The following ZNF326 variants were observed in gnomAD, a reference collection of about 807,000 sequenced individuals.
ZNF326 encodes DBIRD complex subunit ZNF326.
A neutral mutation model predicts 63.1 loss-of-function variants in ZNF326; 30 were observed. That is an observed-to-expected ratio of 0.48 (90% CI 0.36 to 0.64). ZNF326 has a LOEUF of 0.64. Among genes scored for constraint, ZNF326 ranks in the 30% least tolerant of loss-of-function variants. The pLI, the probability that ZNF326 is intolerant of heterozygous loss-of-function variation, is 0.00. For synonymous variants in ZNF326, 194 were observed against 228.2 expected (o/e 0.85, Z 1.35); for missense variants, 609 against 720.3 (o/e 0.85, Z 1.77).
chr1:90,016,326 T>C (rs1311697880), intron 7 of ZNF326, among the ~76,000 whole-genome samples: 3 of 152,032 alleles, frequency 2.0e-5, no homozygotes, highest in Admixed American at 6.6e-5. Context: ...ATAAATCTAA[T>C]AGCATTGCAA....
At position 90,013,021 on chromosome 1, in the gene ZNF326, C is replaced by T. The variant is rs77087157; in HGVS notation, c.815-105C>T. On this transcript the variant is annotated intron_variant, in intron 6 of 11. Coordinates refer to ENST00000340281, the MANE Select transcript of ZNF326 (RefSeq NM_182976.4). ...TTTTGGTGAGTTCAATTTTAGATTA[C>T]AATCACTAAGTATACCTCATAAGTA... The T allele has an allele frequency of 8.1e-4, 705 of 871,290 alleles. 12 individuals carry two copies. In the East Asian group the frequency reaches 0.02, roughly 24 times the overall value. The allele number at this position is 871,290 out of a possible 1,614,324, so 54.0% of individuals were successfully genotyped here.
rs533264983 is a variant in ZNF326, at chr1:89,998,029, T to A, written c.17-81T>A. The A allele has an allele frequency of 1.6e-5, 21 of 1,310,424 alleles. No individual in the cohort carries two copies. The African/African-American group carries it at 3.1e-4, about 19-fold the overall frequency. 81.2% of individuals were successfully genotyped at this position (1,310,424 alleles called of 1,614,324 possible). On this transcript the variant is annotated intron_variant, in intron 1 of 11. Coordinates refer to ENST00000340281, the MANE Select transcript of ZNF326 (RefSeq NM_182976.4). ...TTAATGTCATTTTAAAAATTGTGCT[T>A]GTTTTTTACTGGATCGGCATATAAT...
intron 11 of ZNF326, 61 bp downstream of exon 11, chr1:90,022,406 G>A (rs1312835344): frequency 8.2e-7 from 1 of 1,220,282 alleles, no homozygotes; most frequent in South Asian, 1.3e-5. Context: ...ATTAACTGGT[G>A]ACATAGTAAC....
chr1:90,010,382 C>A, intron 6 of ZNF326, 96 bp downstream of exon 6: 1 of 1,257,568 alleles, frequency 8.0e-7, no homozygotes, highest in Non-Finnish European at 1.1e-6. Flanking sequence ...TATACAGAAA[C>A]TACATAACAA....
rs1019340633 is a variant in ZNF326, at chr1:90,028,351, G to C, written c.*650G>C. On this transcript the variant is annotated 3_prime_UTR_variant, in exon 12 of 12. Transcript: ENST00000340281. ...TATTTTAAGATGATTGAGAAGACTTGAATTAAAGAAAAAAAAATTCTCAAT... is the reference window on the plus strand; with the variant it reads ...TATTTTAAGATGATTGAGAAGACTTCAATTAAAGAAAAAAAAATTCTCAAT... 1.0e-4 allele frequency: 10 copies of C among 97,866 alleles called. No homozygotes were observed. Among genetic ancestry groups the C allele is most frequent in the Admixed American group, 4.8e-4 (4 of 8,380 alleles). 6.1% of individuals were successfully genotyped at this position (97,866 alleles called of 1,614,324 possible).
chr1:90,002,883 T>C (rs1648755670), intron 2 of ZNF326, among the ~76,000 whole-genome samples: 1 of 152,208 alleles, frequency 6.6e-6, no homozygotes, highest in Admixed American at 6.5e-5. Context: ...TGGAAAATAC[T>C]AGTTTTTATA....
chr1:90,033,006 T>C lies in ZNF326; in HGVS notation c.*5305T>C, dbSNP rs994497157. 1.3e-5 allele frequency: 2 copies of C among 152,234 alleles called. No individual in the cohort carries two copies. The highest frequency in any genetic ancestry group is 2.9e-5 in the Non-Finnish European group (2 of 68,038). 9.4% of individuals were successfully genotyped at this position (152,234 alleles called of 1,614,324 possible). A position where few individuals can be genotyped will look rare whatever the true frequency, so the allele number is the denominator to read the frequency against. Reference sequence around the variant, plus strand: ...GCTGTCTATTTCCCAATTTTCCTTCTGACTGTTCCTTTCTCCTTCCTCACA... The same window carrying C: ...GCTGTCTATTTCCCAATTTTCCTTCCGACTGTTCCTTTCTCCTTCCTCACA... On this transcript the variant is annotated 3_prime_UTR_variant, in exon 12 of 12. Transcript: ENST00000340281.
chr1:89,998,306 G>A lies in ZNF326; in HGVS notation c.61+152G>A, dbSNP rs960367507. 1.1e-4 allele frequency: 69 copies of A among 653,768 alleles called. No homozygotes were observed. In the Admixed American group the frequency reaches 1.4e-3, roughly 13 times the overall value. The allele number at this position is 653,768 out of a possible 1,614,324, so 40.5% of individuals were successfully genotyped here. On this transcript the variant is annotated intron_variant, in intron 2 of 11. Coordinates refer to ENST00000340281, the MANE Select transcript of ZNF326 (RefSeq NM_182976.4). ...TTACTATATATAGTATTTGAATTGGGGAATGTGCTATCAGAAAATGTTAGG... is the reference window on the plus strand; with the variant it reads ...TTACTATATATAGTATTTGAATTGGAGAATGTGCTATCAGAAAATGTTAGG...
chr1:89,998,996 T>C (rs1648538871), intron 2 of ZNF326, among the ~76,000 whole-genome samples: 1 of 152,192 alleles, frequency 6.6e-6, no homozygotes, highest in Non-Finnish European at 1.5e-5. Flanking sequence ...AGATAAACTT[T>C]GGATTTCATG....
At chr1:90,001,577 G>A (rs1648683601) in intron 2 of ZNF326, among the ~76,000 whole-genome samples, 1 of 149,744 alleles carries the variant, frequency 6.7e-6, no homozygotes, top group African/African-American at 2.5e-5. Context: ...TTTTGAGGTG[G>A]AGTTTCTCTC....
chr1:90,015,506 C>G (rs1359070993), intron 7 of ZNF326, among the ~76,000 whole-genome samples: 1 of 152,072 alleles, frequency 6.6e-6, no homozygotes, highest in East Asian at 1.9e-4. Flanking sequence ...ATGGTGAAAC[C>G]TCATTTCTAC....
At position 90,028,854 on chromosome 1, in the gene ZNF326, A is replaced by C; in HGVS notation, c.*1153A>C. 6.8e-6 allele frequency: 1 copy of C among 147,102 alleles called. No homozygotes were observed. The highest frequency in any genetic ancestry group is 2.5e-5 in the African/African-American group (1 of 39,574). 9.1% of individuals were successfully genotyped at this position (147,102 alleles called of 1,614,324 possible). ...TTTTTCTTTTTTGGGACAGGGTTTC[A>C]CTCTGTCACCCAGGCTGGAGTGCAG... On this transcript the variant is annotated 3_prime_UTR_variant, in exon 12 of 12. Coordinates refer to ENST00000340281, the MANE Select transcript of ZNF326 (RefSeq NM_182976.4).
intron 5 of ZNF326, among the ~76,000 whole-genome samples, chr1:90,009,847 G>C (rs1169182480): frequency 6.6e-6 from 1 of 152,026 alleles, no homozygotes; most frequent in East Asian, 1.9e-4. Context: ...TAAAAACATA[G>C]TTAGCAAATA....
intron 2 of ZNF326, among the ~76,000 whole-genome samples, chr1:90,000,921 C>T (rs1648643927): frequency 6.6e-6 from 1 of 152,140 alleles, no homozygotes; most frequent in African/African-American, 2.4e-5. Flanking sequence ...AATGGGTATA[C>T]ACCTTGTGTT....
chr1:89,997,350 A>T (rs1250207568), intron 1 of ZNF326, among the ~76,000 whole-genome samples: 1 of 152,166 alleles, frequency 6.6e-6, no homozygotes, highest in Non-Finnish European at 1.5e-5. Flanking sequence ...ATGTATATGC[A>T]TATGCATGTC....
Position 90,035,259 on chromosome 1 carries a change from GATTGT to G in ZNF326, c.*7560_*7564del, listed in dbSNP as rs1433292694. The G allele has an allele frequency of 9.8e-5, 15 of 152,304 alleles. No individual in the cohort carries two copies. The highest frequency in any genetic ancestry group is 3.6e-4 in the African/African-American group (15 of 41,578). 9.4% of individuals were successfully genotyped at this position (152,304 alleles called of 1,614,324 possible). Reference sequence around the variant, plus strand: ...ACATAGTCCTTATTTTGAGCAGTGTGATTGTAGAGACAAACATCCAAGAGAAACAG... The same window carrying G: ...ACATAGTCCTTATTTTGAGCAGTGTGAGAGACAAACATCCAAGAGAAACAG... On this transcript the variant is annotated 3_prime_UTR_variant, in exon 12 of 12. Coordinates refer to ENST00000340281, the MANE Select transcript of ZNF326 (RefSeq NM_182976.4).
chr1:90,026,300 A>G (rs1203015590), intron 11 of ZNF326, among the ~76,000 whole-genome samples: 2 of 152,076 alleles, frequency 1.3e-5, no homozygotes, highest in African/African-American at 4.8e-5. Flanking sequence ...AGGCATCTTC[A>G]TAGGGTTTTT....
chr1:89,998,357 T>TA (rs1648506085), intron 2 of ZNF326, among the ~76,000 whole-genome samples: 1 of 152,206 alleles, frequency 6.6e-6, no homozygotes, highest in South Asian at 2.1e-4. Flanking sequence ...TTTGATTTTT[T>TA]TTTTGGTCCA....
Position 90,030,006 on chromosome 1 carries a change from A to G in ZNF326, c.*2305A>G, listed in dbSNP as rs558766895. ...CGCCTTTCAACTTCTGTTTTCAAGT[A>G]TCACTTGTTTTCTCTATTACAAAGT... is the stretch of plus-strand genomic sequence containing the variant. On this transcript the variant is annotated 3_prime_UTR_variant, in exon 12 of 12. Transcript: ENST00000340281. 1.1e-4 allele frequency: 16 copies of G among 150,734 alleles called. No individual in the cohort carries two copies. Among genetic ancestry groups the G allele is most frequent in the Non-Finnish European group, 2.1e-4 (14 of 67,170 alleles). 9.3% of individuals were successfully genotyped at this position (150,734 alleles called of 1,614,324 possible).
Sources: gnomAD v4.1 joint callset for allele counts (sites outside exome capture counted in the v4.1 genomes callset) on GRCh38, gnomAD v4.1.1 for gene constraint, MANE v1.5 for transcripts, NCBI Gene and HGNC (gene_info 2026-07-23, HGNC 2026-07-21) for gene names.